The following PCDH11X variants were observed in gnomAD, a reference collection of about 807,000 sequenced individuals.
The protein encoded by PCDH11X is protocadherin 11 X-linked, also known as protocadherin-11 X-linked.
PCDH11X carries 18 observed loss-of-function variants against 53.3 expected under a neutral mutation model. The ratio of observed to expected loss-of-function variants is 0.34; its 90% CI spans 0.23 to 0.50. The LOEUF (loss-of-function observed/expected upper bound fraction) is 0.50. PCDH11X is among the 20% of genes least tolerant of loss of function. The probability of loss-of-function intolerance (pLI) is 0.98; values close to 1 mark genes in which losing one functional copy is unlikely to be tolerated. For missense variants in PCDH11X, 570 were observed against 1,032.4 expected, an observed-to-expected ratio of 0.55 and a Z score of 6.14; for synonymous variants, 279 against 393.3, an observed-to-expected ratio of 0.71 and a Z score of 3.44.
intron 8 of PCDH11X, among the ~76,000 whole-genome samples, chrX:92,333,916 C>T (rs1821108701): frequency 9.1e-6 from 1 of 109,586 alleles, no homozygotes; most frequent in South Asian, 3.9e-4. Context: ...TCTAGTTTGG[C>T]TGCCTTGGAA....
chrX:91,922,370 C>T (rs1184197000), intron 6 of PCDH11X, among the ~76,000 whole-genome samples: 3 of 111,369 alleles, frequency 2.7e-5, no homozygotes, highest in East Asian at 5.7e-4. Context: ...CTGTCTAGCT[C>T]GAGTCCATAC....
chrX:92,352,447 G>C (rs1044150237), intron 8 of PCDH11X, among the ~76,000 whole-genome samples: 28 of 111,523 alleles, frequency 2.5e-4, no homozygotes, highest in African/African-American at 9.1e-4. Flanking sequence ...GTACCTCCTT[G>C]ATTAGCTTAA....
chrX:92,216,544 A>G (rs1319243945), intron 7 of PCDH11X, among the ~76,000 whole-genome samples: 8 of 107,100 alleles, frequency 7.5e-5, no homozygotes, highest in Non-Finnish European at 7.7e-5. Context: ...AAGAAATATG[A>G]GACTATGTGA....
chrX:92,589,201 A>C (rs895208289), intron 10 of PCDH11X, among the ~76,000 whole-genome samples: 1 of 111,522 alleles, frequency 9.0e-6, no homozygotes, highest in Admixed American at 9.5e-5. Flanking sequence ...AAAATGCTAG[A>C]GGGTGTACTT....
At chrX:92,103,027 G>T (rs183963510) in intron 6 of PCDH11X, among the ~76,000 whole-genome samples, 1 of 110,513 alleles carries the variant, frequency 9.0e-6, no homozygotes, top group Non-Finnish European at 1.9e-5. Flanking sequence ...GGTTTTAATG[G>T]GATGGTAATG....
chrX:92,073,726 CTAAA>C (rs1391101172), intron 6 of PCDH11X, among the ~76,000 whole-genome samples: 1 of 111,955 alleles, frequency 8.9e-6, no homozygotes, highest in Admixed American at 9.5e-5. Flanking sequence ...TAGTAGGAGT[CTAAA>C]TGAGGCAGGT....
chrX:92,265,235 G>A (rs921829976), intron 8 of PCDH11X, among the ~76,000 whole-genome samples: 2 of 109,998 alleles, frequency 1.8e-5, no homozygotes, highest in Non-Finnish European at 3.8e-5. Context: ...GCACCCGGCC[G>A]ATAAGCAGAA....
At chrX:91,834,330 G>T in intron 4 of PCDH11X, among the ~76,000 whole-genome samples, 1 of 110,774 alleles carries the variant, frequency 9.0e-6, no homozygotes, top group South Asian at 3.8e-4. Context: ...TTTGTCAGAA[G>T]AGTTCAAGAA....
At chrX:91,809,951 C>T (rs757122286) in intron 2 of PCDH11X, among the ~76,000 whole-genome samples, 5 of 110,852 alleles carry the variant, frequency 4.5e-5, no homozygotes, top group Non-Finnish European at 7.6e-5. Context: ...AGCAATTACC[C>T]CTCAAAGTTG....
intron 9 of PCDH11X, among the ~76,000 whole-genome samples, chrX:92,404,380 A>T (rs1255547578): frequency 1.8e-5 from 2 of 109,196 alleles, no homozygotes; most frequent in African/African-American, 3.3e-5. Context: ...CATGTGTATC[A>T]TGCCTACTGT....
At chrX:92,206,323 T>C (rs995136885) in intron 7 of PCDH11X, among the ~76,000 whole-genome samples, 2 of 111,655 alleles carry the variant, frequency 1.8e-5, no homozygotes, top group Non-Finnish European at 3.8e-5. Context: ...TTTAACAAGA[T>C]ATTCATTACT....
intron 6 of PCDH11X, among the ~76,000 whole-genome samples, chrX:92,022,488 A>C (rs2062901971): frequency 9.3e-6 from 1 of 107,801 alleles, no homozygotes; most frequent in African/African-American, 3.5e-5. Context: ...AACTATCCTA[A>C]ATATATATGC....
intron 7 of PCDH11X, among the ~76,000 whole-genome samples, chrX:92,218,768 C>T (rs2066784349): frequency 8.9e-6 from 1 of 111,808 alleles, no homozygotes; most frequent in African/African-American, 3.3e-5. Flanking sequence ...AGACCAATAT[C>T]CTTGATGAAC....
rs1160218378 is a variant in PCDH11X at position 91,843,672 on chromosome X, G to T, written c.540+7628G>T. 2.7e-5 allele frequency among the ~76,000 whole-genome samples: 3 copies of T among 109,487 alleles called. No individual in the cohort carries two copies. In the East Asian group the frequency reaches 8.6e-4, roughly 31 times the overall value. ...CTTAAATTAATCATGCTGCCATTAA[G>T]AAAATGGAATTATTTAAAGTTTTAT... On this transcript the variant is annotated intron_variant, in intron 5 of 10. Transcript: ENST00000682573.
chrX:92,230,435 AT>A (rs1264245349), intron 7 of PCDH11X, among the ~76,000 whole-genome samples: 881 of 38,672 alleles, frequency 0.023, 15 homozygotes, highest in African/African-American at 0.055. Flanking sequence ...ATAAATATAT[AT>A]TATATATTTA....
chrX:92,598,913 A>G (rs1451594046), intron 10 of PCDH11X, among the ~76,000 whole-genome samples: 2 of 107,261 alleles, frequency 1.9e-5, no homozygotes, highest in Non-Finnish European at 3.8e-5. Context: ...AGGTTATCAT[A>G]TTAAGTGAAA....
At chrX:91,838,849 T>G (rs1937397928) in intron 5 of PCDH11X, among the ~76,000 whole-genome samples, 1 of 108,432 alleles carries the variant, frequency 9.2e-6, no homozygotes, top group Admixed American at 1.0e-4. Flanking sequence ...GGGAGAAATA[T>G]AGAGAAAAAT....
Position 91,980,552 on chromosome X carries a change from G to C in PCDH11X, c.3033+101279G>C, listed in dbSNP as rs1466084404. On this transcript the variant is annotated intron_variant, in intron 6 of 10. Transcript: ENST00000682573. ...TGGCATGAGCTCAAGCAATCCTCCT[G>C]CCTCAGCCTTCCGAGTAGCTGGGAC... Among the ~76,000 whole-genome samples the C allele has an allele frequency of 2.7e-5, 3 of 110,891 alleles. No individual in the cohort carries two copies. In the Admixed American group the frequency reaches 2.9e-4, roughly 11 times the overall value.
intron 7 of PCDH11X, among the ~76,000 whole-genome samples, chrX:92,212,114 C>T (rs1012238233): frequency 9.6e-6 from 1 of 103,929 alleles, no homozygotes; most frequent in Non-Finnish European, 1.9e-5. Context: ...CAGGCTCAAG[C>T]AATTCTTGTA....
Sources: gnomAD v4.1 joint callset for allele counts (sites outside exome capture counted in the v4.1 genomes callset) on GRCh38, gnomAD v4.1.1 for gene constraint, MANE v1.5 for transcripts, NCBI Gene and HGNC (gene_info 2026-07-23, HGNC 2026-07-21) for gene names.